Variants in NPAS1 observed in about 807,000 individuals in gnomAD.
The protein encoded by NPAS1 is neuronal PAS domain-containing protein 1.
A neutral mutation model predicts 49.2 loss-of-function variants in NPAS1; 29 were observed. The observed-to-expected ratio is 0.59, with a 90% CI of 0.44 to 0.80. NPAS1 has a LOEUF of 0.80. NPAS1 is among the 30% of genes least tolerant of loss of function. NPAS1 has a pLI of 0.00. For synonymous variants in NPAS1, 408 were observed against 380.4 expected, an observed-to-expected ratio of 1.07 and a Z score of -0.84; for missense variants, 825 against 835.5, an observed-to-expected ratio of 0.99 and a Z score of 0.15.
In NPAS1 at chr19:47,034,843, T is replaced by G. The variant is rs570771931; in HGVS notation, c.523-1121T>G. ...GTGAGCCAAGATTGCACCATTGCAC[T>G]CCAGCCTGGGCAACGAGAGCAAAAC... On this transcript the variant is annotated intron_variant, in intron 5 of 11. Coordinates refer to ENST00000602212, the MANE Select transcript of NPAS1 (RefSeq NM_002517.4). Among the ~76,000 whole-genome samples, 7 of 151,578 alleles carry G rather than the reference T, an allele frequency of 4.6e-5. No individual in the cohort carries two copies. In the South Asian group the frequency reaches 6.2e-4, roughly 13 times the overall value.
Position 47,021,687 on chromosome 19 carries a change from C to T in NPAS1, c.198C>T (p.Phe66=). Residue 66 remains phenylalanine (F), a synonymous_variant, in exon 3 of 12, where the codon TTC becomes TTT. Transcript: ENST00000602212. The surrounding 1 kb of genome is among the most constrained non-coding windows in gnomAD (Gnocchi z 5.7). The stretch of plus-strand genomic sequence containing the variant: ...GCGGGAAGGAGAACCTGGAGTTCTT[C>T]GAGCTGGCCAAGCTTCTCCCGCTGC... ...SRRGKENLEF[F]ELAKLLPLPG... is the part of the protein sequence containing the mutation. 6.4e-7 allele frequency: 1 copy of T among 1,563,476 alleles called. No homozygotes were observed. Among genetic ancestry groups the T allele is most frequent in the Non-Finnish European group, 8.7e-7 (1 of 1,155,918 alleles).
At chr19:47,026,008 C>T (rs1441256205) in intron 3 of NPAS1, among the ~76,000 whole-genome samples, 2 of 152,040 alleles carry the variant, frequency 1.3e-5, no homozygotes. Flanking sequence ...GGTGCGATCT[C>T]AGCTCACTGC....
intron 3 of NPAS1, among the ~76,000 whole-genome samples, chr19:47,030,636 C>CTTTTT (rs55931402): frequency 1.2e-4 from 12 of 96,796 alleles, no homozygotes; most frequent in Non-Finnish European, 1.8e-4. Flanking sequence ...GGCCCTTTGC[C>CTTTTT]TTTTTTTTTT....
At chr19:47,029,057 TTTTGTTTG>T (rs142554133) in intron 3 of NPAS1, among the ~76,000 whole-genome samples, 1 of 151,608 alleles carries the variant, frequency 6.6e-6, no homozygotes, top group Non-Finnish European at 1.5e-5. Flanking sequence ...TTTTTTTAGT[TTTTGTTTG>T]TTTGTTTGTT....
Position 47,042,887 on chromosome 19 carries a change from CG to C in NPAS1, c.1299del (p.Pro434GlnfsTer70). On this transcript the variant is annotated frameshift_variant, in exon 11 of 12. Coordinates refer to ENST00000602212, the MANE Select transcript of NPAS1 (RefSeq NM_002517.4). LOFTEE classifies it low-confidence loss of function (END_TRUNC). ...ASVACEEASSPGPEPTEPEPP... is the reference protein window; with the variant it reads ...ASVACEEASSXGPEPTEPEPP... The stretch of plus-strand genomic sequence containing the variant: ...GTGGCCTGTGAGGAGGCATCCAGCC[CG>C]GGGCCAGAGCCCACAGGTGAGCCCC... 6.2e-7 allele frequency: 1 copy of C among 1,601,710 alleles called. No homozygotes were observed. The highest frequency in any genetic ancestry group is 8.5e-7 in the Non-Finnish European group (1 of 1,174,464).
In NPAS1 at chr19:47,039,401, C is replaced by T. The variant is rs377542096; in HGVS notation, c.805-6C>T. 6.2e-7 allele frequency: 1 copy of T among 1,611,536 alleles called. No individual in the cohort carries two copies. The highest frequency in any genetic ancestry group is 8.5e-7 in the Non-Finnish European group (1 of 1,179,840). On this transcript the variant is annotated splice_region_variant and splice_polypyrimidine_tract_variant and intron_variant, in intron 7 of 11. Transcript: ENST00000602212. ...TCCCTCCTCCAACCATGCCCACCACCAGCAGGTCATCCACGTGACTGGGCG... is the reference window on the plus strand; with the variant it reads ...TCCCTCCTCCAACCATGCCCACCACTAGCAGGTCATCCACGTGACTGGGCG...
rs2056914381 is a variant in NPAS1, at chr19:47,032,546, G to C, written c.433-97G>C. On this transcript the variant is annotated intron_variant, in intron 4 of 11. Coordinates refer to ENST00000602212, the MANE Select transcript of NPAS1 (RefSeq NM_002517.4). ...CTCCCCACCAAAACAGTCCACCTCA[G>C]GTGGAGACCCAGGTTTCAGAACCTC... The C allele has an allele frequency of 2.0e-5, 25 of 1,236,288 alleles. 1 individual carries two copies. The South Asian group carries it at 2.5e-4, about 12-fold the overall frequency. 76.6% of individuals were successfully genotyped at this position (1,236,288 alleles called of 1,614,324 possible).
chr19:47,039,322 G>A, intron 7 of NPAS1, 85 bp from the exon 8 acceptor site: 3 of 1,572,842 alleles, frequency 1.9e-6, no homozygotes, highest in Non-Finnish European at 2.6e-6. Flanking sequence ...ACCTGTGGGG[G>A]ACAGAGGGAA....
intron 3 of NPAS1, among the ~76,000 whole-genome samples, chr19:47,029,718 C>T (rs947497748): frequency 8.5e-5 from 13 of 152,174 alleles, no homozygotes; most frequent in African/African-American, 2.9e-4. Flanking sequence ...TTTATTTACT[C>T]ATTCATGAGT....
At chr19:47,030,000 TTTTTG>T (rs2056895523) in intron 3 of NPAS1, among the ~76,000 whole-genome samples, 1 of 152,060 alleles carries the variant, frequency 6.6e-6, no homozygotes, top group Non-Finnish European at 1.5e-5. Context: ...CTTTCTGTGT[TTTTTG>T]TTTTGTTTTG....
intron 11 of NPAS1, among the ~76,000 whole-genome samples, chr19:47,043,447 G>T (rs1056709141): frequency 3.3e-5 from 5 of 151,910 alleles, no homozygotes; most frequent in African/African-American, 1.2e-4. Flanking sequence ...AAAATTAGCT[G>T]GACATGGTGC....
intron 8 of NPAS1, among the ~76,000 whole-genome samples, chr19:47,039,839 T>C (rs1226911014): frequency 1.3e-5 from 2 of 152,106 alleles, no homozygotes; most frequent in Non-Finnish European, 2.9e-5. Context: ...GGCCCGTCTC[T>C]GGTCTTTCAT....
At chr19:47,027,419 C>T (rs946191464) in intron 3 of NPAS1, among the ~76,000 whole-genome samples, 1 of 139,090 alleles carries the variant, frequency 7.2e-6, no homozygotes, top group African/African-American at 2.7e-5. Context: ...CCCCTGGGTC[C>T]CCCTCTCTCT....
intron 9 of NPAS1, 86 bp from the exon 10 acceptor site, chr19:47,040,878 CCTGCTCTCACTCCT>C: frequency 9.7e-7 from 1 of 1,028,110 alleles, no homozygotes; most frequent in East Asian, 2.8e-5. Context: ...TGCCCACTCC[CCTGCTCTCACTCCT>C]CCTGTCTCCT....
chr19:47,027,159 G>A (rs2056876325), intron 3 of NPAS1, among the ~76,000 whole-genome samples: 1 of 152,190 alleles, frequency 6.6e-6, no homozygotes. Flanking sequence ...TTTGACGATG[G>A]GGCATGTGAG....
chr19:47,027,333 T>TATCTCTGCCCCAGGTCCCCCC (rs2056877440), intron 3 of NPAS1, among the ~76,000 whole-genome samples: 1 of 118,702 alleles, frequency 8.4e-6, no homozygotes, highest in Admixed American at 9.0e-5. Context: ...TGGATCCCCC[T>TATCTCTGCCCCAGGTCCCCCC]CTCTCTGCCC....
intron 10 of NPAS1, among the ~76,000 whole-genome samples, chr19:47,042,239 G>A (rs1017026931): frequency 3.9e-5 from 6 of 151,904 alleles, no homozygotes; most frequent in African/African-American, 1.5e-4. Context: ...AACCCGGGAG[G>A]TGGAGGTTGC....
chr19:47,029,653 C>G (rs144233052), intron 3 of NPAS1, among the ~76,000 whole-genome samples: 2 of 152,166 alleles, frequency 1.3e-5, no homozygotes, highest in South Asian at 4.1e-4. Flanking sequence ...CACCCACCTC[C>G]GCCTCCCAAA....
Position 47,021,749 on chromosome 19 carries a change from T to A in NPAS1, c.260T>A (p.Ile87Asn). 6.5e-7 allele frequency: 1 copy of A among 1,544,274 alleles called. No individual in the cohort carries two copies. The highest frequency in any genetic ancestry group is 8.7e-7 in the Non-Finnish European group (1 of 1,145,110). ...AISSQLDKAS[I>N]VRLSVTYLRL... Reference sequence around the variant, plus strand: ...TCCAGCCAGCTGGACAAGGCTTCCATCGTGCGCCTCAGCGTCACCTACCTC... The same window carrying A: ...TCCAGCCAGCTGGACAAGGCTTCCAACGTGCGCCTCAGCGTCACCTACCTC... Residue 87 changes from isoleucine to asparagine, a missense_variant, in exon 3 of 12, where the codon ATC becomes AAC. By Grantham distance (149) the Ile-to-Asn change is moderately radical. Coordinates refer to ENST00000602212, the MANE Select transcript of NPAS1 (RefSeq NM_002517.4). The surrounding 1 kb of genome is among the most constrained non-coding windows in gnomAD (Gnocchi z 5.7).
Sources: gnomAD v4.1 joint callset for allele counts (sites outside exome capture counted in the v4.1 genomes callset) on GRCh38, gnomAD v4.1.1 for gene constraint, Gnocchi (gnomAD v3.1) non-coding constraint, MANE v1.5 for transcripts, NCBI Gene and HGNC (gene_info 2026-07-23, HGNC 2026-07-21) for gene names.